Variants in KCNIP4 observed in about 807,000 individuals in gnomAD.
The protein encoded by KCNIP4 is potassium voltage-gated channel interacting protein 4, also known as Kv channel-interacting protein 4.
KCNIP4 carries 12 observed loss-of-function variants against 34.0 expected under a neutral mutation model. The observed-to-expected ratio is 0.35, with a 90% CI of 0.23 to 0.57. The LOEUF (loss-of-function observed/expected upper bound fraction) is 0.57. Among genes scored for constraint, KCNIP4 ranks in the 20% least tolerant of loss-of-function variants. The pLI, the probability that KCNIP4 is intolerant of heterozygous loss-of-function variation, is 0.83. For synonymous variants in KCNIP4, 124 were observed against 102.2 expected (o/e 1.21, Z -1.29); for missense variants, 238 against 311.7 (o/e 0.76, Z 1.78).
At chr4:21,640,804 G>A (rs911803359) in intron 1 of KCNIP4, among the ~76,000 whole-genome samples, 1 of 152,094 alleles carries the variant, frequency 6.6e-6, no homozygotes, top group African/African-American at 2.4e-5. Flanking sequence ...TGCCATATAG[G>A]TGCCCTGCCA....
chr4:21,250,469 G>A (rs1198938133), intron 1 of KCNIP4, among the ~76,000 whole-genome samples: 1 of 152,098 alleles, frequency 6.6e-6, no homozygotes, highest in African/African-American at 2.4e-5. Flanking sequence ...CCTGTCTCAT[G>A]AAGTGGAATC....
chr4:21,564,164 A>G (rs1052110900), intron 1 of KCNIP4, among the ~76,000 whole-genome samples: 1 of 152,172 alleles, frequency 6.6e-6, no homozygotes, highest in African/African-American at 2.4e-5. Flanking sequence ...CTTGTAAAAT[A>G]GATTGTGGTT....
chr4:21,346,739 T>G (rs1047626270), intron 1 of KCNIP4, among the ~76,000 whole-genome samples: 7 of 152,124 alleles, frequency 4.6e-5, no homozygotes, highest in African/African-American at 1.7e-4. Flanking sequence ...GGATTATGCC[T>G]TTCTAAAAAG....
intron 1 of KCNIP4, among the ~76,000 whole-genome samples, chr4:20,893,681 C>T: frequency 6.6e-6 from 1 of 151,538 alleles, no homozygotes; most frequent in East Asian, 1.9e-4. Flanking sequence ...CACTCAGCTT[C>T]CCAAAGTGCT....
At position 21,234,091 on chromosome 4, in the gene KCNIP4, T is replaced by TATATAAC. The variant is rs1560198106; in HGVS notation, c.62-351383_62-351382insGTTATAT. Among the ~76,000 whole-genome samples the TATATAAC allele has an allele frequency of 2.1e-5, 2 of 93,080 alleles. 1 individual carries two copies. The highest frequency in any genetic ancestry group is 1.2e-4 in the African/African-American group (2 of 16,194). 61.1% of individuals were successfully genotyped at this position (93,080 alleles called of 152,430 possible). A position where few individuals can be genotyped will look rare whatever the true frequency, so the allele number is the denominator to read the frequency against. On this transcript the variant is annotated intron_variant, in intron 1 of 8. Coordinates refer to ENST00000382152, the MANE Select transcript of KCNIP4 (RefSeq NM_025221.6). ...ACATAACATAACATATAACGTATAT[T>TATATAAC]ATATATAACATATATAACGTATATT...
intron 1 of KCNIP4, among the ~76,000 whole-genome samples, chr4:21,674,904 T>A (rs935332964): frequency 6.6e-6 from 1 of 152,154 alleles, no homozygotes; most frequent in African/African-American, 2.4e-5. Context: ...TTAAATCAAA[T>A]ATCTAATTCT....
At chr4:21,717,143 G>T (rs1714449236) in intron 1 of KCNIP4, among the ~76,000 whole-genome samples, 1 of 152,158 alleles carries the variant, frequency 6.6e-6, no homozygotes, top group African/African-American at 2.4e-5. Context: ...GGTATCCTGT[G>T]TATTGTAGGA....
intron 1 of KCNIP4, among the ~76,000 whole-genome samples, chr4:21,016,098 T>C (rs1739516801): frequency 6.6e-6 from 1 of 150,426 alleles, no homozygotes; most frequent in Admixed American, 6.6e-5. Context: ...CCAGCAGCTC[T>C]ATCGTCACCT....
At position 20,956,078 on chromosome 4, in the gene KCNIP4, TA is replaced by T. The variant is rs1044465298; in HGVS notation, c.62-73370del. On this transcript the variant is annotated intron_variant, in intron 1 of 8. Transcript: ENST00000382152. The stretch of plus-strand genomic sequence containing the variant: ...CTATGTGTGATTTTCTAAATTTGAT[TA>T]GACCTTTTTTGACAGGGATCTATCT... Among the ~76,000 whole-genome samples the T allele has an allele frequency of 3.3e-5, 5 of 152,204 alleles. No homozygotes were observed. The East Asian group carries it at 7.7e-4, about 23-fold the overall frequency.
At chr4:21,813,794 C>A (rs1721806178) in intron 1 of KCNIP4, among the ~76,000 whole-genome samples, 1 of 152,134 alleles carries the variant, frequency 6.6e-6, no homozygotes, top group East Asian at 1.9e-4. Context: ...CCCCTTTAGA[C>A]CCTTGTGATT....
intron 1 of KCNIP4, among the ~76,000 whole-genome samples, chr4:20,898,279 T>C (rs1395945734): frequency 6.6e-6 from 1 of 152,146 alleles, no homozygotes; most frequent in Non-Finnish European, 1.5e-5. Flanking sequence ...TGTGAGCCAA[T>C]TCCCATAATA....
intron 1 of KCNIP4, among the ~76,000 whole-genome samples, chr4:21,112,860 T>C (rs181543642): frequency 2.6e-5 from 4 of 151,582 alleles, no homozygotes; most frequent in African/African-American, 7.2e-5. Flanking sequence ...ATTTTTCCCT[T>C]TTTTTTTTCT....
At chr4:21,869,765 G>T (rs1473669974) in intron 1 of KCNIP4, among the ~76,000 whole-genome samples, 1 of 150,940 alleles carries the variant, frequency 6.6e-6, no homozygotes, top group African/African-American at 2.4e-5. Context: ...TAGATAGATA[G>T]ATAGATAGAT....
intron 3 of KCNIP4, among the ~76,000 whole-genome samples, chr4:20,794,259 G>A (rs1363499387): frequency 6.6e-6 from 1 of 152,162 alleles, no homozygotes; most frequent in African/African-American, 2.4e-5. Context: ...GCTCCTATGA[G>A]AATCTAATGC....
intron 1 of KCNIP4, among the ~76,000 whole-genome samples, chr4:21,419,728 C>A (rs942498260): frequency 1.3e-5 from 2 of 151,810 alleles, no homozygotes; most frequent in African/African-American, 2.4e-5. Context: ...TAGGTTAATT[C>A]TATTAGGCTT....
intron 1 of KCNIP4, among the ~76,000 whole-genome samples, chr4:20,916,686 T>C (rs557832808): frequency 2.3e-4 from 35 of 152,110 alleles, no homozygotes; most frequent in Non-Finnish European, 5.9e-5. Flanking sequence ...AAAAATCTTT[T>C]TCCCTCCCCC....
chr4:21,828,002 T>C (rs1410622213), intron 1 of KCNIP4, among the ~76,000 whole-genome samples: 1 of 136,840 alleles, frequency 7.3e-6, no homozygotes, highest in African/African-American at 2.8e-5. Flanking sequence ...AAAGGCACCA[T>C]TAATGAGAGT....
chr4:21,086,046 T>C (rs1460677634), intron 1 of KCNIP4, among the ~76,000 whole-genome samples: 1 of 152,156 alleles, frequency 6.6e-6, no homozygotes, highest in South Asian at 2.1e-4. Context: ...AACGTGGATA[T>C]GGTGGTGGGG....
intron 1 of KCNIP4, among the ~76,000 whole-genome samples, chr4:21,042,163 G>A (rs1742020228): frequency 6.6e-6 from 1 of 152,148 alleles, no homozygotes; most frequent in African/African-American, 2.4e-5. Context: ...ATTCACAAAG[G>A]AAGGTCATCC....
Sources: gnomAD v4.1 joint callset for allele counts (sites outside exome capture counted in the v4.1 genomes callset) on GRCh38, gnomAD v4.1.1 for gene constraint, MANE v1.5 for transcripts, NCBI Gene and HGNC (gene_info 2026-07-23, HGNC 2026-07-21) for gene names.